The following CATIP variants were observed in gnomAD, a reference collection of about 807,000 sequenced individuals.
CATIP encodes the protein ciliogenesis associated TTC17 interacting protein, also known as ciliogenesis-associated TTC17-interacting protein.
A neutral mutation model predicts 42.5 loss-of-function variants in CATIP; 40 were observed. The observed-to-expected ratio is 0.94, with a 90% CI of 0.73 to 1.22. The LOEUF is 1.22. CATIP is among the 50% of genes most tolerant of loss of function. CATIP has a pLI of 0.00. For synonymous variants in CATIP, 222 were observed against 200.2 expected, an observed-to-expected ratio of 1.11 and a Z score of -0.92; for missense variants, 489 against 496.0, an observed-to-expected ratio of 0.99 and a Z score of 0.13.
At position 218,366,876 on chromosome 2, in the gene CATIP, C is replaced by T. The variant is rs536782728; in HGVS notation, c.756-148C>T. Reference sequence around the variant, plus strand: ...GGGCACTAATCCTATCTGATTCGGGCCCCACCCTTATGACTGCATGTAAAC... The same window carrying T: ...GGGCACTAATCCTATCTGATTCGGGTCCCACCCTTATGACTGCATGTAAAC... On this transcript the variant is annotated intron_variant, in intron 7 of 9. Coordinates refer to ENST00000289388, the MANE Select transcript of CATIP (RefSeq NM_198559.2). 8.7e-6 allele frequency: 6 copies of T among 690,224 alleles called. No individual in the cohort carries two copies. In the East Asian group the frequency reaches 1.7e-4, roughly 19 times the overall value. 42.8% of individuals were successfully genotyped at this position (690,224 alleles called of 1,614,324 possible). A position where few individuals can be genotyped will look rare whatever the true frequency, so the allele number is the denominator to read the frequency against.
rs546504683 is a variant in CATIP, at chr2:218,367,842, G to T, written c.1042G>T (p.Ala348Ser). 1 of 1,612,986 alleles carries T rather than the reference G, an allele frequency of 6.2e-7. No homozygotes were observed. The highest frequency in any genetic ancestry group is 1.7e-5 in the Admixed American group (1 of 60,004). Residue 348 changes from alanine (A) to serine (S), a missense_variant, in exon 10 of 10, where the codon GCC (alanine) becomes TCC (serine). Coordinates refer to ENST00000289388, the MANE Select transcript of CATIP (RefSeq NM_198559.2). ...GCCGGAGGACGTGGTCACCTTCGCC[G>T]CCGAGTTCTTCGGCCCCTTCGACCC... ...RQPEDVVTFA[A>S]EFFGPFDPWR... is the part of the protein sequence containing the mutation.
At chr2:218,363,292 AAC>A (rs1695302280) in intron 6 of CATIP, among the ~76,000 whole-genome samples, 1 of 149,204 alleles carries the variant, frequency 6.7e-6, no homozygotes, top group Non-Finnish European at 1.5e-5. Context: ...CATCCTGGCT[AAC>A]ATGGTGAAAC....
At chr2:218,359,815 T>A (rs74917976) in intron 4 of CATIP, among the ~76,000 whole-genome samples, 13,714 of 151,876 alleles carry the variant, frequency 0.09, 664 homozygotes, top group Non-Finnish European at 0.11. Flanking sequence ...TGCTTTTTTT[T>A]TTTTATTTTA....
chr2:218,358,083 C>T lies in CATIP; in HGVS notation c.366C>T (p.Asp122=). The T allele has an allele frequency of 1.2e-6, 2 of 1,613,942 alleles. No individual in the cohort carries two copies. The highest frequency in any genetic ancestry group is 8.5e-7 in the Non-Finnish European group (1 of 1,179,900). Residue 122 remains aspartate (D), a synonymous_variant, in exon 4 of 10, where the codon GAC becomes GAT. Transcript: ENST00000289388. ...AGCTCATGGAACAGCACAGCCAAGA[C>T]TTCATCAAGGTACTTCCCAGGGCCC... ...KLELMEQHSQ[D]FIKFLILPME...
In CATIP at chr2:218,367,921, G is replaced by T. The variant is rs1559108388; in HGVS notation, c.1121G>T (p.Arg374Leu). 4 of 1,608,702 alleles carry T rather than the reference G, an allele frequency of 2.5e-6. No individual in the cohort carries two copies. The highest frequency in any genetic ancestry group is 1.7e-5 in the Admixed American group (1 of 59,732). Reference protein sequence around the residue: ...LGSSHRPNPFRSLEPEGDARS... With the variant: ...LGSSHRPNPFLSLEPEGDARS... ...TCCTCCCACCGGCCCAACCCTTTCCGCTCCCTGGAGCCGGAGGGAGACGCC... is the reference window on the plus strand; with the variant it reads ...TCCTCCCACCGGCCCAACCCTTTCCTCTCCCTGGAGCCGGAGGGAGACGCC... Residue 374 changes from arginine (R) to leucine (L), a missense_variant, in exon 10 of 10, where the codon CGC (arginine) becomes CTC (leucine). By Grantham distance (102) the Arg-to-Leu change is moderately radical. Coordinates refer to ENST00000289388, the MANE Select transcript of CATIP (RefSeq NM_198559.2).
intron 5 of CATIP, among the ~76,000 whole-genome samples, chr2:218,362,080 G>A (rs759162256): frequency 6.6e-6 from 1 of 152,142 alleles, no homozygotes; most frequent in South Asian, 2.1e-4. Flanking sequence ...AAGGCCAGGC[G>A]TGTGGTGACT....
intron 6 of CATIP, among the ~76,000 whole-genome samples, chr2:218,363,953 A>G (rs1304028873): frequency 1.3e-5 from 2 of 152,198 alleles, no homozygotes; most frequent in African/African-American, 4.8e-5. Flanking sequence ...CTAAAATTTC[A>G]TAATCAGCAT....
intron 6 of CATIP, among the ~76,000 whole-genome samples, chr2:218,364,246 C>T (rs1334467402): frequency 6.6e-6 from 1 of 152,190 alleles, no homozygotes; most frequent in African/African-American, 2.4e-5. Context: ...GGACAGCCTG[C>T]CAGCAACAGC....
intron 8 of CATIP, 72 bp downstream of exon 8, chr2:218,367,172 G>A: frequency 8.4e-7 from 1 of 1,184,548 alleles, no homozygotes; most frequent in Non-Finnish European, 1.2e-6. Context: ...CTTCCAGGAT[G>A]CAGGGGGCTG....
rs1695367010 is a variant in CATIP, at chr2:218,364,755, G to A, written c.755+3G>A. 1.9e-6 allele frequency: 3 copies of A among 1,611,912 alleles called. No individual in the cohort carries two copies. The highest frequency in any genetic ancestry group is 1.3e-5 in the African/African-American group (1 of 74,986). ...CAGTACTACCTGCTCTCCGATGGGT[G>A]AGCTGCTGATGGTGGGCCCAGAGGG... is the stretch of plus-strand genomic sequence containing the variant. On this transcript the variant is annotated splice_donor_region_variant and intron_variant, in intron 7 of 9. Coordinates refer to ENST00000289388, the MANE Select transcript of CATIP (RefSeq NM_198559.2).
intron 4 of CATIP, 72 bp downstream of exon 4, chr2:218,358,164 C>A: frequency 1.6e-6 from 2 of 1,263,642 alleles, no homozygotes; most frequent in Non-Finnish European, 2.3e-6. Flanking sequence ...AAAACAGCAG[C>A]AACAACAAAC....
intron 7 of CATIP, 133 bp downstream of exon 7, chr2:218,364,885 A>C: frequency 9.9e-7 from 1 of 1,011,414 alleles, no homozygotes; most frequent in Non-Finnish European, 1.4e-6. Context: ...TATCCATATC[A>C]TTCACTCTTT....
intron 5 of CATIP, among the ~76,000 whole-genome samples, chr2:218,362,032 G>A (rs1470265068): frequency 1.4e-5 from 2 of 140,496 alleles, no homozygotes; most frequent in Non-Finnish European, 3.1e-5. Flanking sequence ...AAAAAAAAAA[G>A]ACAAGGATTC....
chr2:218,362,976 G>A, intron 6 of CATIP, 74 bp downstream of exon 6: 3 of 1,440,176 alleles, frequency 2.1e-6, no homozygotes, highest in South Asian at 1.3e-5. Flanking sequence ...CTGAGATGGG[G>A]AACAGCTGTG....
intron 7 of CATIP, 34 bp from the exon 8 acceptor site, chr2:218,366,990 G>A (rs1020077307): frequency 1.3e-6 from 2 of 1,555,472 alleles, no homozygotes; most frequent in East Asian, 4.5e-5. Flanking sequence ...GGTCTGGGAA[G>A]ATTCTCACTC....
At chr2:218,358,892 AAAAAAAAG>A (rs1382682262) in intron 4 of CATIP, among the ~76,000 whole-genome samples, 1 of 150,722 alleles carries the variant, frequency 6.6e-6, no homozygotes, top group Non-Finnish European at 1.5e-5. Context: ...TCAAAAAAAA[AAAAAAAAG>A]AAAAAAGAAG....
intron 6 of CATIP, among the ~76,000 whole-genome samples, chr2:218,363,923 G>A (rs1695331759): frequency 6.6e-6 from 1 of 152,086 alleles, no homozygotes; most frequent in Non-Finnish European, 1.5e-5. Context: ...TTCCGTTTTT[G>A]TTTTGTTTTT....
At chr2:218,363,134 G>T (rs1207650419) in intron 6 of CATIP, among the ~76,000 whole-genome samples, 1 of 152,108 alleles carries the variant, frequency 6.6e-6, no homozygotes, top group Non-Finnish European at 1.5e-5. Context: ...CAACCCTTCC[G>T]CACAGAAGTC....
chr2:218,368,054 C>A lies in CATIP; in HGVS notation c.*90C>A. The A allele has an allele frequency of 1.4e-6, 2 of 1,404,400 alleles. No individual in the cohort carries two copies. Among genetic ancestry groups the A allele is most frequent in the Non-Finnish European group, 1.9e-6 (2 of 1,075,424 alleles). The allele number at this position is 1,404,400 out of a possible 1,614,324, so 87.0% of individuals were successfully genotyped here. ...CGGGGCGGGTGCGCTTTCCGGGCTG[C>A]GGTTTTGGGGGAATAAATGGGGCCC... On this transcript the variant is annotated 3_prime_UTR_variant, in exon 10 of 10. Coordinates refer to ENST00000289388, the MANE Select transcript of CATIP (RefSeq NM_198559.2).
Sources: gnomAD v4.1 joint callset for allele counts (sites outside exome capture counted in the v4.1 genomes callset) on GRCh38, gnomAD v4.1.1 for gene constraint, MANE v1.5 for transcripts, NCBI Gene and HGNC (gene_info 2026-07-23, HGNC 2026-07-21) for gene names.